The following BRPF1 variants were observed in gnomAD, a reference collection of about 807,000 sequenced individuals.
BRPF1 encodes the protein peregrin.
In BRPF1, 15 loss-of-function variants were observed where a neutral mutation model predicts 115.0. The ratio of observed to expected loss-of-function variants is 0.13; its 90% CI spans 0.09 to 0.20. BRPF1 has a LOEUF of 0.20. BRPF1 is among the 10% of genes least tolerant of loss of function. The pLI is 1.00. For missense variants in BRPF1, 1,118 were observed against 1,638.3 expected (o/e 0.68, Z 5.48); for synonymous variants, 647 against 619.8 (o/e 1.04, Z -0.65).
chr3:9,741,931 A>C, intron 5 of BRPF1, 94 bp from the exon 6 acceptor site: 1 of 1,448,972 alleles, frequency 6.9e-7, no homozygotes. Flanking sequence ...GTGGGAAAGA[A>C]GGCGGGTTCC....
At chr3:9,742,319 C>T in intron 6 of BRPF1, 148 bp downstream of exon 6, 1 of 1,482,426 alleles carries the variant, frequency 6.7e-7, no homozygotes, top group Non-Finnish European at 8.9e-7. Context: ...CATGTATCAC[C>T]TGGACTCTGT....
At chr3:9,741,881 CAT>C (rs2077038110) in intron 5 of BRPF1, 142 bp from the exon 6 acceptor site, 5 of 907,140 alleles carry the variant, frequency 5.5e-6, no homozygotes, top group African/African-American at 1.7e-5. Context: ...GGTGGAGCCT[CAT>C]AGAAGGTAGA....
rs1174041959 is a variant in BRPF1, at chr3:9,747,053, C to CA, written c.3480-112dup. The CA allele has an allele frequency of 2.6e-5, 31 of 1,183,696 alleles. No individual in the cohort carries two copies. The highest frequency in any genetic ancestry group is 2.5e-6 in the Non-Finnish European group (2 of 810,342). The allele number at this position is 1,183,696 out of a possible 1,614,324, so 73.3% of individuals were successfully genotyped here. A position where few individuals can be genotyped will look rare whatever the true frequency, so the allele number is the denominator to read the frequency against. On this transcript the variant is annotated intron_variant, in intron 13 of 13. Coordinates refer to ENST00000383829, the MANE Select transcript of BRPF1 (RefSeq NM_001003694.2). This position sits in a 1 kb window ranked among gnomAD's most constrained non-coding sequence, Gnocchi z 5.6. The stretch of plus-strand genomic sequence containing the variant: ...ACAGTCCTTTGAGGGCAGGGACCAT[C>CA]ACAGAGTCTGGCCAGAGTGGGTGCT...
rs757987100 is a variant in BRPF1 at position 9,743,540 on chromosome 3, C to T, written c.2312-38C>T. 6.3e-7 allele frequency: 1 copy of T among 1,585,708 alleles called. No homozygotes were observed. The highest frequency in any genetic ancestry group is 8.6e-7 in the Non-Finnish European group (1 of 1,163,872). ...CAGGTTCAAGGGGCCCTGAGGGCTG[C>T]CCTGAGTCTGACCTTTCCCCTCCAA... is the stretch of plus-strand genomic sequence containing the variant. On this transcript the variant is annotated intron_variant, in intron 7 of 13. Transcript: ENST00000383829. The surrounding 1 kb of genome is among the most constrained non-coding windows in gnomAD (Gnocchi z 6.1).
intron 2 of BRPF1, among the ~76,000 whole-genome samples, chr3:9,736,939 A>T (rs778273434): frequency 1.3e-5 from 2 of 152,168 alleles, no homozygotes; most frequent in East Asian, 1.9e-4. Flanking sequence ...TGCAGCCTGT[A>T]ATCTGGGTGC....
At chr3:9,736,252 C>T (rs2076939866) in intron 2 of BRPF1, among the ~76,000 whole-genome samples, 1 of 152,092 alleles carries the variant, frequency 6.6e-6, no homozygotes, top group Admixed American at 6.5e-5. Context: ...ATGATCCACC[C>T]GCCTCAGCCT....
In BRPF1 at chr3:9,743,647, TGCTTCTGGAGCG is replaced by T; in HGVS notation, c.2385_2396del (p.Leu796_Leu799del). ...CTGCCAGTGGAAGAACAGCTAAAGC[TGCTTCTGGAGCG>T]GCTGGACGAAGTGAATGCCAGCAAG... On this transcript the variant is annotated inframe_deletion, in exon 8 of 14. Transcript: ENST00000383829. The surrounding 1 kb of genome is among the most constrained non-coding windows in gnomAD (Gnocchi z 6.1). 1 of 1,614,044 alleles carries T rather than the reference TGCTTCTGGAGCG, an allele frequency of 6.2e-7. No homozygotes were observed. Among genetic ancestry groups the T allele is most frequent in the Non-Finnish European group, 8.5e-7 (1 of 1,180,008 alleles).
chr3:9,741,444 G>A lies in BRPF1; in HGVS notation c.1854+5G>A. Reference sequence around the variant, plus strand: ...GAAAAACTCAAAAGGGAGACGGTGAGTGCTCCTGGGCCAGCCCTATTTTAT... The same window carrying A: ...GAAAAACTCAAAAGGGAGACGGTGAATGCTCCTGGGCCAGCCCTATTTTAT... On this transcript the variant is annotated splice_donor_5th_base_variant and intron_variant, in intron 5 of 13. Coordinates refer to ENST00000383829, the MANE Select transcript of BRPF1 (RefSeq NM_001003694.2). The A allele has an allele frequency of 6.3e-7, 1 of 1,583,894 alleles. No homozygotes were observed. The highest frequency in any genetic ancestry group is 8.6e-7 in the Non-Finnish European group (1 of 1,162,986).
Position 9,739,468 on chromosome 3 carries a change from A to G in BRPF1, c.1069A>G (p.Ile357Val). Residue 357 changes from isoleucine (I) to valine (V), a missense_variant, in exon 3 of 14, where the codon ATC becomes GTC. Physicochemically the swap from Ile to Val is conservative, Grantham distance 29. Transcript: ENST00000383829. Reference protein sequence around the residue: ...RWAHVVCALWIPEVCFANTVF... With the variant: ...RWAHVVCALWVPEVCFANTVF... ...GGCCCATGTGGTGTGTGCCTTGTGG[A>G]TCCCTGAGGTCTGCTTCGCCAACAC... 1 of 1,613,808 alleles carries G rather than the reference A, an allele frequency of 6.2e-7. No individual in the cohort carries two copies. The highest frequency in any genetic ancestry group is 8.5e-7 in the Non-Finnish European group (1 of 1,179,798).
chr3:9,746,359 G>T lies in BRPF1; in HGVS notation c.3384G>T (p.Val1128=). ...GMFHHGVPIP[V]PPLEVLKLGE... is the part of the protein sequence containing the mutation. ...TCCACCATGGGGTTCCCATCCCTGT[G>T]CCCCCACTGGAGGTGCTGAAACTTG... is the stretch of plus-strand genomic sequence containing the variant. The change falls in exon 13 of 14, where the codon GTG becomes GTT. Residue 1128 remains valine, a synonymous_variant. Transcript: ENST00000383829. 1 of 1,607,980 alleles carries T rather than the reference G, an allele frequency of 6.2e-7. No individual in the cohort carries two copies. Among genetic ancestry groups the T allele is most frequent in the Non-Finnish European group, 8.5e-7 (1 of 1,175,676 alleles).
intron 12 of BRPF1, 136 bp downstream of exon 12, chr3:9,746,066 T>C (rs1361040407): frequency 1.8e-6 from 2 of 1,107,798 alleles, no homozygotes; most frequent in Admixed American, 5.1e-5. Context: ...CAGATACAGC[T>C]TGAGTACCAC....
chr3:9,746,139 G>A (rs2077121929), intron 12 of BRPF1, among the ~76,000 whole-genome samples, 161 bp from the exon 13 acceptor site: 1 of 152,170 alleles, frequency 6.6e-6, no homozygotes, highest in Non-Finnish European at 1.5e-5. Context: ...CTTGGGCTCT[G>A]AAATAATTTA....
Position 9,744,348 on chromosome 3 carries a change from C to T in BRPF1, c.2760C>T (p.Asn920=). The change falls in exon 9 of 14, where the codon AAC becomes AAT. Residue 920 remains asparagine (N), a synonymous_variant. Coordinates refer to ENST00000383829, the MANE Select transcript of BRPF1 (RefSeq NM_001003694.2). ...AGAGGCCGGGCCGGCCCCCCAAAAA[C>T]CGGGAGAGCCAGATGACCCCCAGCC... is the stretch of plus-strand genomic sequence containing the variant. The part of the protein sequence containing the change: ...PPKRPGRPPK[N]RESQMTPSHG... 1.2e-6 allele frequency: 2 copies of T among 1,613,572 alleles called. No individual in the cohort carries two copies. Among genetic ancestry groups the T allele is most frequent in the Non-Finnish European group, 8.5e-7 (1 of 1,179,768 alleles).
Position 9,742,099 on chromosome 3 carries a change from G to T in BRPF1, c.1929G>T (p.Gln643His). The change falls in exon 6 of 14, where the codon CAG becomes CAT. Residue 643 changes from glutamine to histidine, a missense_variant. Gln to His is a conservative substitution (Grantham distance 24). Transcript: ENST00000383829. ...TCCTCCTTCGCAAAACCTTGGAGCA[G>T]CTCCAAGAGAAGGACACAGGCAACA... is the stretch of plus-strand genomic sequence containing the variant. ...FLILLRKTLEQLQEKDTGNIF... is the reference protein window; with the variant it reads ...FLILLRKTLEHLQEKDTGNIF... 6.2e-7 allele frequency: 1 copy of T among 1,614,218 alleles called. No homozygotes were observed. The highest frequency in any genetic ancestry group is 8.5e-7 in the Non-Finnish European group (1 of 1,180,046).
chr3:9,740,980 G>A (rs777470249), intron 4 of BRPF1, 39 bp downstream of exon 4: 11 of 1,583,320 alleles, frequency 6.9e-6, no homozygotes, highest in East Asian at 4.5e-5. Flanking sequence ...GGGAACTAGC[G>A]CCAGGGGGAC....
At chr3:9,737,594 T>C (rs997708051) in intron 2 of BRPF1, among the ~76,000 whole-genome samples, 12 of 152,220 alleles carry the variant, frequency 7.9e-5, no homozygotes, top group African/African-American at 2.9e-4. Flanking sequence ...ATTTCCCACA[T>C]AAGAGGAGAA....
chr3:9,734,701 C>T lies in BRPF1; in HGVS notation c.561C>T (p.Asp187=). ...TGGTCTATCGGGAGCTGGAACAGGA[C>T]ACCCCTGATGCCCCACCCCGGCCAA... The part of the protein sequence containing the change: ...PEVVYRELEQ[D]TPDAPPRPTS... The change falls in exon 2 of 14, where the codon GAC becomes GAT. Residue 187 remains aspartate, a synonymous_variant. Coordinates refer to ENST00000383829, the MANE Select transcript of BRPF1 (RefSeq NM_001003694.2). The surrounding 1 kb of genome is among the most constrained non-coding windows in gnomAD (Gnocchi z 5.7). 1.2e-6 allele frequency: 2 copies of T among 1,614,156 alleles called. No individual in the cohort carries two copies. The highest frequency in any genetic ancestry group is 8.5e-7 in the Non-Finnish European group (1 of 1,180,038).
At position 9,734,854 on chromosome 3, in the gene BRPF1, C is replaced by T; in HGVS notation, c.599+115C>T. On this transcript the variant is annotated intron_variant, in intron 2 of 13. Transcript: ENST00000383829. This position sits in a 1 kb window ranked among gnomAD's most constrained non-coding sequence, Gnocchi z 5.7. Reference sequence around the variant, plus strand: ...ACAGGAATAAAGAATAGTGAAAGAACACTGATTTTGCCAGGGCAGTGAGTG... The same window carrying T: ...ACAGGAATAAAGAATAGTGAAAGAATACTGATTTTGCCAGGGCAGTGAGTG... 2 of 1,371,970 alleles carry T rather than the reference C, an allele frequency of 1.5e-6. No homozygotes were observed. Among genetic ancestry groups the T allele is most frequent in the Non-Finnish European group, 2.0e-6 (2 of 1,004,684 alleles). 85.0% of individuals were successfully genotyped at this position (1,371,970 alleles called of 1,614,324 possible).
At position 9,744,217 on chromosome 3, in the gene BRPF1, G is replaced by C; in HGVS notation, c.2636-7G>C. 6.6e-7 allele frequency: 1 copy of C among 1,520,250 alleles called. No individual in the cohort carries two copies. The highest frequency in any genetic ancestry group is 1.3e-5 in the South Asian group (1 of 75,872). The allele number at this position is 1,520,250 out of a possible 1,614,324, so 94.2% of individuals were successfully genotyped here. On this transcript the variant is annotated splice_region_variant and splice_polypyrimidine_tract_variant and intron_variant, in intron 8 of 13. Coordinates refer to ENST00000383829, the MANE Select transcript of BRPF1 (RefSeq NM_001003694.2). ...ACCAACTCTCCTTCTTTCTTTCTCT[G>C]CTCCAGGCCTGGGTCCCAACATGTC...
Sources: gnomAD v4.1 joint callset for allele counts (sites outside exome capture counted in the v4.1 genomes callset) on GRCh38, gnomAD v4.1.1 for gene constraint, Gnocchi (gnomAD v3.1) non-coding constraint, MANE v1.5 for transcripts, NCBI Gene and HGNC (gene_info 2026-07-23, HGNC 2026-07-21) for gene names.